Variants in ZDHHC24 observed in about 807,000 individuals in gnomAD.
ZDHHC24 encodes the protein zDHHC palmitoyltransferase 24.
A neutral mutation model predicts 23.2 loss-of-function variants in ZDHHC24; 17 were observed. The ratio of observed to expected loss-of-function variants is 0.73; its 90% confidence interval spans 0.50 to 1.10. ZDHHC24 has a LOEUF of 1.10. ZDHHC24 is among the 50% of genes least tolerant of loss of function. The pLI, the probability that ZDHHC24 is intolerant of heterozygous loss-of-function variation, is 0.00. For missense variants in ZDHHC24, 366 were observed against 393.0 expected (o/e 0.93, Z 0.58); for synonymous variants, 186 against 194.5 (o/e 0.96, Z 0.36).
intron 4 of ZDHHC24, among the ~76,000 whole-genome samples, chr11:66,525,417 T>C (rs369202095): frequency 1.1e-5 from 1 of 93,964 alleles, no homozygotes; most frequent in African/African-American, 3.3e-5. Flanking sequence ...AATAGAAAAA[T>C]TAGCCAAGCA....
intron 3 of ZDHHC24, chr11:66,528,944 G>A: frequency 2.0e-6 from 1 of 490,424 alleles, no homozygotes; most frequent in Non-Finnish European, 2.6e-6. Context: ...CTCCAGCCTG[G>A]GTAACAAGAG....
intron 2 of ZDHHC24, chr11:66,529,616 T>G (rs891897901): frequency 1.3e-5 from 9 of 701,532 alleles, no homozygotes; most frequent in African/African-American, 3.5e-5. Flanking sequence ...GGTAAGAGAG[T>G]GAGAAGAGGC....
chr11:66,522,307 T>C (rs1475185734), intron 4 of ZDHHC24, among the ~76,000 whole-genome samples: 1 of 151,836 alleles, frequency 6.6e-6, no homozygotes, highest in East Asian at 1.9e-4. Context: ...CACTTGTTTA[T>C]GCATTAGTTT....
chr11:66,522,494 C>T (rs920145780), intron 4 of ZDHHC24, among the ~76,000 whole-genome samples: 8 of 151,792 alleles, frequency 5.3e-5, no homozygotes, highest in Admixed American at 1.3e-4. Flanking sequence ...ACTACAGGTG[C>T]GTGCCACCAC....
At chr11:66,532,297 C>T (rs1856820088), downstream of ZDHHC24, 1 of 543,362 alleles carries the variant, frequency 1.8e-6, no homozygotes, top group Non-Finnish European at 3.3e-6. Flanking sequence ...CCTCCCCAGC[C>T]TTTTCCAGAA....
downstream of ZDHHC24, chr11:66,531,010 G>T: frequency 6.2e-7 from 1 of 1,614,226 alleles, no homozygotes; most frequent in Non-Finnish European, 8.5e-7. Flanking sequence ...TCTATTCCCT[G>T]CCCCGGGCCT....
rs1363017662 is a variant in ZDHHC24 at position 66,529,724 on chromosome 11, C to A, written c.560-236G>T. ...CTCCTGCAGCACCCTCCTCTTGCAC[C>A]CTCCCCACACCAACCTGAGCAGGAG... On this transcript the variant is annotated intron_variant, in intron 2 of 4. Transcript: ENST00000526986. The A allele has an allele frequency of 4.0e-6, 6 of 1,495,774 alleles. No homozygotes were observed. The African/African-American group carries it at 6.9e-5, about 17-fold the overall frequency. 92.7% of individuals were successfully genotyped at this position (1,495,774 alleles called of 1,614,324 possible).
At chr11:66,529,237 A>G in intron 3 of ZDHHC24, 6 of 1,504,428 alleles carry the variant, frequency 4.0e-6, no homozygotes, top group Non-Finnish European at 5.3e-6. Context: ...GAGTCATGTG[A>G]TCCTGCAAAC....
At chr11:66,530,086 G>T in intron 2 of ZDHHC24, 1 of 1,286,420 alleles carries the variant, frequency 7.8e-7, no homozygotes, top group Non-Finnish European at 1.1e-6. Context: ...TCACCTTCCC[G>T]CAGACCTGGG....
At chr11:66,526,800 TGGCA>T in intron 4 of ZDHHC24, 1 of 1,614,216 alleles carries the variant, frequency 6.2e-7, no homozygotes. Context: ...AGCGGGAGGC[TGGCA>T]CCGGTGAGCC....
At chr11:66,521,718 C>A in intron 4 of ZDHHC24, 1 of 334,854 alleles carries the variant, frequency 3.0e-6, no homozygotes, top group Non-Finnish European at 5.8e-6. Context: ...CCAGCCTGGC[C>A]AACATGGTGA....
chr11:66,530,101 G>A (rs913879805), intron 2 of ZDHHC24: 15 of 1,153,002 alleles, frequency 1.3e-5, no homozygotes, highest in Admixed American at 2.1e-5. Context: ...CCTGGGGACC[G>A]AGTCTCATGT....
chr11:66,530,049 C>A lies in ZDHHC24; in HGVS notation c.560-561G>T, dbSNP rs934583424. On this transcript the variant is annotated intron_variant, in intron 2 of 4. Coordinates refer to the ZDHHC24 transcript ENST00000526986. ...ACACAGCTAAGCCCCAGAGCCAATT[C>A]CAAGCCAACTCAGCCCGTGCTCCCC... The A allele has an allele frequency of 2.7e-6, 4 of 1,508,584 alleles. No individual in the cohort carries two copies. The Admixed American group carries it at 5.9e-5, about 22-fold the overall frequency. 93.4% of individuals were successfully genotyped at this position (1,508,584 alleles called of 1,614,324 possible).
chr11:66,522,894 G>T (rs1161436314), intron 4 of ZDHHC24: 1 of 347,276 alleles, frequency 2.9e-6, no homozygotes, highest in Non-Finnish European at 5.6e-6. Flanking sequence ...CTGTGGAGAT[G>T]GCTTGAAAGT....
At chr11:66,530,055 C>A in intron 2 of ZDHHC24, 1 of 1,491,368 alleles carries the variant, frequency 6.7e-7, no homozygotes, top group Non-Finnish European at 9.0e-7. Flanking sequence ...AATTCCAAGC[C>A]AACTCAGCCC....
chr11:66,540,624 A>G (rs1857125108), intron 2 of ZDHHC24, among the ~76,000 whole-genome samples: 2 of 150,886 alleles, frequency 1.3e-5, no homozygotes, highest in Admixed American at 1.3e-4. Flanking sequence ...GCTACTCAGG[A>G]GGCTGAGGCA....
chr11:66,520,880 A>G (rs1235306526), downstream of ZDHHC24: 1 of 326,974 alleles, frequency 3.1e-6, no homozygotes, highest in Admixed American at 4.5e-5. Context: ...CACCACGCCC[A>G]GCTAAGTTTT....
Position 66,546,019 on chromosome 11 carries a change from C to T in ZDHHC24, c.-16G>A, listed in dbSNP as rs946950617. The T allele has an allele frequency of 7.3e-7, 1 of 1,378,504 alleles. No individual in the cohort carries two copies. Among genetic ancestry groups the T allele is most frequent in the Non-Finnish European group, 9.3e-7 (1 of 1,075,200 alleles). The allele number at this position is 1,378,504 out of a possible 1,614,324, so 85.4% of individuals were successfully genotyped here. ...GCTGCCCCATGGCCTGGACACCCAGCTGTCGGAGCCGGAGGACTAGGCCGC... is the reference window on the plus strand; with the variant it reads ...GCTGCCCCATGGCCTGGACACCCAGTTGTCGGAGCCGGAGGACTAGGCCGC... On this transcript the variant is annotated 5_prime_UTR_variant, in exon 1 of 3. Coordinates refer to ENST00000310442, the MANE Select transcript of ZDHHC24 (RefSeq NM_207340.3).
At chr11:66,522,263 C>A (rs1335596493) in intron 4 of ZDHHC24, among the ~76,000 whole-genome samples, 1 of 151,538 alleles carries the variant, frequency 6.6e-6, no homozygotes, top group African/African-American at 2.4e-5. Flanking sequence ...AAAAAATTTC[C>A]CATATTTGTT....
Sources: allele counts gnomAD v4.1 joint callset (sites outside exome capture counted in the v4.1 genomes callset), GRCh38; gene constraint gnomAD v4.1.1; transcripts MANE v1.5; gene names NCBI Gene and HGNC (gene_info 2026-07-23, HGNC 2026-07-21).